MACROD2: variants seen among roughly 807,000 people sequenced by gnomAD.
MACROD2 encodes the protein mono-ADP ribosylhydrolase 2.
A neutral mutation model predicts 70.4 loss-of-function variants in MACROD2; 36 were observed. The observed-to-expected ratio is 0.51, with a 90% CI of 0.39 to 0.68. The LOEUF is 0.68. MACROD2 is among the 30% of genes least tolerant of loss of function. The pLI, the probability that MACROD2 is intolerant of heterozygous loss-of-function variation, is 0.00. For synonymous variants in MACROD2, 172 were observed against 178.8 expected (o/e 0.96, Z 0.30); for missense variants, 496 against 538.4 (o/e 0.92, Z 0.78).
chr20:14,114,897 G>C (rs918334121), intron 3 of MACROD2, among the ~76,000 whole-genome samples: 1 of 152,080 alleles, frequency 6.6e-6, no homozygotes, highest in Non-Finnish European at 1.5e-5. Context: ...ATCTAGAGGG[G>C]CTCAGTGTTG....
chr20:14,084,871 C>T (rs895874573), intron 2 of MACROD2, among the ~76,000 whole-genome samples: 2 of 151,620 alleles, frequency 1.3e-5, no homozygotes, highest in Non-Finnish European at 2.9e-5. Context: ...ACCTGTAATC[C>T]CAGCACTTTG....
In MACROD2 at chr20:16,022,079, C is replaced by A. The variant is rs2067010222; in HGVS notation, c.1154-19122C>A. On this transcript the variant is annotated intron_variant, in intron 15 of 17. Transcript: ENST00000684519. ...TTTTTTTTTTTTTTTGAGACAGCGTCTCACTCTGTTGCCCAGGCTGGAGTG... is the reference window on the plus strand; with the variant it reads ...TTTTTTTTTTTTTTTGAGACAGCGTATCACTCTGTTGCCCAGGCTGGAGTG... Among the ~76,000 whole-genome samples the A allele has an allele frequency of 4.2e-5, 5 of 119,542 alleles. No homozygotes were observed. In the South Asian group the frequency reaches 1.4e-3, roughly 34 times the overall value. The allele number at this position is 119,542 out of a possible 152,430, so 78.4% of individuals were successfully genotyped here.
At chr20:15,226,471 C>T (rs2076907401) in intron 5 of MACROD2, among the ~76,000 whole-genome samples, 2 of 152,070 alleles carry the variant, frequency 1.3e-5, no homozygotes, top group Admixed American at 1.3e-4. Context: ...AAGCATTGTC[C>T]ATAGACTTTG....
intron 5 of MACROD2, among the ~76,000 whole-genome samples, chr20:14,803,097 A>G (rs1290842605): frequency 6.6e-6 from 1 of 152,084 alleles, no homozygotes; most frequent in Non-Finnish European, 1.5e-5. Flanking sequence ...AATTTTATTT[A>G]AGACAAAACA....
intron 4 of MACROD2, among the ~76,000 whole-genome samples, chr20:14,650,727 A>C (rs1387609229): frequency 6.6e-6 from 1 of 152,214 alleles, no homozygotes; most frequent in Non-Finnish European, 1.5e-5. Context: ...TTTGAGGGGC[A>C]GATATAAACC....
chr20:15,414,523 A>G (rs893975198), intron 6 of MACROD2, among the ~76,000 whole-genome samples: 2 of 152,204 alleles, frequency 1.3e-5, no homozygotes, highest in African/African-American at 4.8e-5. Flanking sequence ...GTCTGTGATA[A>G]TGACACTTTA....
chr20:14,283,183 A>G (rs529409943), intron 3 of MACROD2, among the ~76,000 whole-genome samples: 3 of 152,320 alleles, frequency 2.0e-5, no homozygotes, highest in East Asian at 3.9e-4. Flanking sequence ...TTTTTATACT[A>G]TTGCAACTTC....
intron 8 of MACROD2, among the ~76,000 whole-genome samples, chr20:15,772,490 C>T (rs371582677): frequency 1.5e-3 from 225 of 152,104 alleles, no homozygotes; most frequent in African/African-American, 5.2e-3. Context: ...TCACAGAACA[C>T]CAAAAGCTGT....
chr20:15,013,058 G>A (rs947096290), intron 5 of MACROD2, among the ~76,000 whole-genome samples: 1 of 152,102 alleles, frequency 6.6e-6, no homozygotes, highest in Non-Finnish European at 1.5e-5. Context: ...CATTTTGGGG[G>A]CATCTATTAG....
intron 6 of MACROD2, among the ~76,000 whole-genome samples, chr20:15,275,501 G>C (rs2077383312): frequency 6.6e-6 from 1 of 152,182 alleles, no homozygotes; most frequent in Non-Finnish European, 1.5e-5. Flanking sequence ...AACATATAGT[G>C]GTAGACTCAA....
chr20:16,052,030 C>G lies in MACROD2; in HGVS notation c.*2154C>G, dbSNP rs537953546. The G allele has an allele frequency of 6.6e-6, 1 of 152,296 alleles. No individual in the cohort carries two copies. The highest frequency in any genetic ancestry group is 2.1e-4 in the South Asian group (1 of 4,824). 9.4% of individuals were successfully genotyped at this position (152,296 alleles called of 1,614,324 possible). A position where few individuals can be genotyped will look rare whatever the true frequency, so the allele number is the denominator to read the frequency against. On this transcript the variant is annotated 3_prime_UTR_variant, in exon 18 of 18. Transcript: ENST00000684519. ...GGGCTAGAAGTGGAAGGAGGGAATT[C>G]TCTCTGCCTAAAAATTCTAGAAGAA...
chr20:14,159,811 G>T (rs1210290525), intron 3 of MACROD2, among the ~76,000 whole-genome samples: 1 of 152,144 alleles, frequency 6.6e-6, no homozygotes. Context: ...AGTTCTTAGA[G>T]AAAAGGCTTT....
intron 5 of MACROD2, among the ~76,000 whole-genome samples, chr20:15,124,965 A>G (rs1601106135): frequency 6.6e-6 from 1 of 152,066 alleles, no homozygotes; most frequent in East Asian, 1.9e-4. Flanking sequence ...GTAGAATTGC[A>G]GTAAGCTAAT....
intron 5 of MACROD2, among the ~76,000 whole-genome samples, chr20:15,099,169 A>G (rs2075854147): frequency 6.6e-6 from 1 of 152,162 alleles, no homozygotes; most frequent in Non-Finnish European, 1.5e-5. Flanking sequence ...TGGAGGAAAA[A>G]ATGTTATATT....
intron 5 of MACROD2, among the ~76,000 whole-genome samples, chr20:14,967,254 G>A (rs1185070901): frequency 6.6e-6 from 1 of 152,076 alleles, no homozygotes; most frequent in African/African-American, 2.4e-5. Context: ...GTGCAATGGT[G>A]CCATCTCTGC....
chr20:14,769,670 C>T (rs1208789471), intron 5 of MACROD2, among the ~76,000 whole-genome samples: 1 of 152,008 alleles, frequency 6.6e-6, no homozygotes, highest in African/African-American at 2.4e-5. Context: ...CTTTTTCTCA[C>T]CATTTTGGTG....
At chr20:15,139,060 A>G (rs1010256788) in intron 5 of MACROD2, among the ~76,000 whole-genome samples, 13 of 152,142 alleles carry the variant, frequency 8.5e-5, no homozygotes, top group Non-Finnish European at 1.5e-4. Flanking sequence ...CAGCTATTAA[A>G]TGGAGGTTTA....
intron 4 of MACROD2, among the ~76,000 whole-genome samples, chr20:14,629,726 A>G (rs1459249130): frequency 6.6e-6 from 1 of 152,166 alleles, no homozygotes; most frequent in East Asian, 1.9e-4. Context: ...CTGCACTACA[A>G]AGATGTGCTG....
At chr20:15,807,057 A>T (rs1600922796) in intron 8 of MACROD2, among the ~76,000 whole-genome samples, 1 of 152,192 alleles carries the variant, frequency 6.6e-6, no homozygotes, top group Admixed American at 6.5e-5. Flanking sequence ...TGGAATTTTT[A>T]ATATTCCGTC....
Sources: gnomAD v4.1 joint callset for allele counts (sites outside exome capture counted in the v4.1 genomes callset) on GRCh38, gnomAD v4.1.1 for gene constraint, MANE v1.5 for transcripts, NCBI Gene and HGNC (gene_info 2026-07-23, HGNC 2026-07-21) for gene names.